APIP: variants seen among roughly 807,000 people sequenced by gnomAD.
APIP encodes methylthioribulose-1-phosphate dehydratase.
In APIP, 32 loss-of-function variants were observed where a neutral mutation model predicts 32.0. The observed-to-expected ratio is 1.00, with a 90% CI of 0.76 to 1.34. APIP has a LOEUF of 1.34. Ranked by LOEUF, APIP falls within the 40% of genes most tolerant of loss-of-function variation. The pLI, the probability that APIP is intolerant of heterozygous loss-of-function variation, is 0.00. For missense variants in APIP, 247 were observed against 298.6 expected (o/e 0.83, Z 1.27); for synonymous variants, 92 against 94.8 (o/e 0.97, Z 0.17).
intron 5 of APIP, among the ~76,000 whole-genome samples, chr11:34,887,376 A>G (rs760709676): frequency 2.0e-5 from 3 of 152,164 alleles, no homozygotes; most frequent in Non-Finnish European, 2.9e-5. Flanking sequence ...CTGGGGCTCT[A>G]CTTTCCTCAG....
At chr11:34,901,634 A>G (rs1323648614) in intron 1 of APIP, among the ~76,000 whole-genome samples, 1 of 152,040 alleles carries the variant, frequency 6.6e-6, no homozygotes. Context: ...AGATGGGGGG[A>G]CCTACTATTT....
At chr11:34,901,787 G>A (rs1853374619) in intron 1 of APIP, among the ~76,000 whole-genome samples, 1 of 152,158 alleles carries the variant, frequency 6.6e-6, no homozygotes. Flanking sequence ...AACTACAAGT[G>A]TGGGCAACTC....
At chr11:34,883,762 A>G (rs766012338) in intron 5 of APIP, among the ~76,000 whole-genome samples, 2 of 152,208 alleles carry the variant, frequency 1.3e-5, no homozygotes, top group Non-Finnish European at 2.9e-5. Flanking sequence ...ACCAAAACCT[A>G]ACAAAGAAAT....
chr11:34,909,842 A>T (rs1391775425), intron 1 of APIP, among the ~76,000 whole-genome samples: 1 of 152,168 alleles, frequency 6.6e-6, no homozygotes, highest in Non-Finnish European at 1.5e-5. Flanking sequence ...TAGTGGAGGA[A>T]CTGGGCTTCT....
Position 34,886,533 on chromosome 11 carries a change from C to T in APIP, c.461+1760G>A, listed in dbSNP as rs543940313. ...TTCAATAAATTTCGTGTAGCCTAAA[C>T]ATACAATGCTTATAAAGTCTATAGT... is the stretch of plus-strand genomic sequence containing the variant. On this transcript the variant is annotated intron_variant, in intron 5 of 6. Coordinates refer to ENST00000395787, the MANE Select transcript of APIP (RefSeq NM_015957.4). Among the ~76,000 whole-genome samples, 32 of 152,112 alleles carry T rather than the reference C, an allele frequency of 2.1e-4. No homozygotes were observed. The South Asian group carries it at 5.8e-3, about 28-fold the overall frequency.
At chr11:34,898,786 GTTTTTTTTTTTTTT>G (rs57593563) in intron 1 of APIP, among the ~76,000 whole-genome samples, 10 of 55,198 alleles carry the variant, frequency 1.8e-4, no homozygotes, top group East Asian at 7.0e-4. Flanking sequence ...TCTTTCTTTG[GTTTTTTTTTTTTTT>G]TTTTTTTTTT....
intron 3 of APIP, 57 bp downstream of exon 3, chr11:34,890,447 C>A: frequency 6.7e-7 from 1 of 1,489,416 alleles, no homozygotes; most frequent in East Asian, 2.3e-5. Flanking sequence ...AATTCCATTT[C>A]ATAAAACAGT....
In APIP at chr11:34,888,759, T is replaced by C; in HGVS notation, c.318A>G (p.Thr106=). The change falls in exon 4 of 7, where the codon ACA becomes ACG. Residue 106 remains threonine, a synonymous_variant. Coordinates refer to ENST00000395787, the MANE Select transcript of APIP (RefSeq NM_015957.4). ...QCTPLFMNAY[T]MRGAGAVIHT... is the part of the protein sequence containing the mutation. Reference sequence around the variant, plus strand: ...AATATATTTTCTGCATACCTCTCATTGTGTAAGCATTCATGAAAAGAGGAG... The same window carrying C: ...AATATATTTTCTGCATACCTCTCATCGTGTAAGCATTCATGAAAAGAGGAG... The C allele has an allele frequency of 6.5e-7, 1 of 1,528,772 alleles. No individual in the cohort carries two copies. The highest frequency in any genetic ancestry group is 8.7e-7 in the Non-Finnish European group (1 of 1,148,306). The allele number at this position is 1,528,772 out of a possible 1,614,324, so 94.7% of individuals were successfully genotyped here.
At position 34,883,429 on chromosome 11, in the gene APIP, A is replaced by G. The variant is rs144268944; in HGVS notation, c.537T>C (p.His179=). ...EEKDLKDRMA[H]AMNEYPDSCA... ...AGGAGTCTGGGTATTCATTCATTGC[A>G]TGAGCCATTCTATCTTTGAGGTCTT... The change falls in exon 6 of 7, where the codon CAT becomes CAC. Residue 179 remains histidine (H), a synonymous_variant. Coordinates refer to ENST00000395787, the MANE Select transcript of APIP (RefSeq NM_015957.4). 851 of 1,613,936 alleles carry G rather than the reference A, an allele frequency of 5.3e-4. No homozygotes were observed. Among genetic ancestry groups the G allele is most frequent in the Non-Finnish European group, 7.0e-4 (821 of 1,179,964 alleles).
intron 1 of APIP, among the ~76,000 whole-genome samples, chr11:34,909,519 A>G (rs1210029439): frequency 1.3e-5 from 2 of 152,070 alleles, no homozygotes; most frequent in East Asian, 3.9e-4. Flanking sequence ...GAACTAAGCC[A>G]GTGTGTGATG....
intron 5 of APIP, among the ~76,000 whole-genome samples, chr11:34,885,860 A>C (rs575012153): frequency 2.6e-4 from 40 of 152,230 alleles, no homozygotes; most frequent in Non-Finnish European, 4.7e-4. Context: ...CCTATCGCCT[A>C]ATGACCGCAT....
intron 1 of APIP, among the ~76,000 whole-genome samples, chr11:34,897,723 T>C (rs541463350): frequency 6.6e-6 from 1 of 152,224 alleles, no homozygotes; most frequent in Admixed American, 6.5e-5. Flanking sequence ...CTTGTCACCA[T>C]GTGTGTCAAG....
intron 1 of APIP, among the ~76,000 whole-genome samples, chr11:34,907,059 T>A (rs1438500378): frequency 6.6e-6 from 1 of 152,144 alleles, no homozygotes; most frequent in Non-Finnish European, 1.5e-5. Flanking sequence ...TTGATGTCCC[T>A]TTTCGGCAGG....
chr11:34,896,544 G>A (rs1853274987), intron 1 of APIP, among the ~76,000 whole-genome samples: 3 of 152,142 alleles, frequency 2.0e-5, no homozygotes, highest in Admixed American at 2.0e-4. Flanking sequence ...GACACAGGGA[G>A]GGGAAAATCA....
In APIP at chr11:34,916,268, G is replaced by A; in HGVS notation, c.17C>T (p.Ala6Val). 2.5e-6 allele frequency: 4 copies of A among 1,612,546 alleles called. No individual in the cohort carries two copies. The highest frequency in any genetic ancestry group is 3.4e-6 in the Non-Finnish European group (4 of 1,179,526). Residue 6 changes from alanine (A) to valine (V), a missense_variant, in exon 1 of 7, where the codon GCT becomes GTT. Transcript: ENST00000395787. Reference sequence around the variant, plus strand: ...CCGGGAACAACAGTCTCCCTCCCGAGCATCACAGCCAGACATGGCCCAGAC... The same window carrying A: ...CCGGGAACAACAGTCTCCCTCCCGAACATCACAGCCAGACATGGCCCAGAC... MSGCD[A>V]REGDCCSRRC... is the part of the protein sequence containing the mutation.
intron 1 of APIP, 127 bp downstream of exon 1, chr11:34,916,101 G>A (rs760871034): frequency 3.9e-6 from 5 of 1,273,034 alleles, no homozygotes; most frequent in Middle Eastern, 5.4e-4. Flanking sequence ...GGTAGCGAAC[G>A]GCCAGGCCCG....
At position 34,888,733 on chromosome 11, in the gene APIP, G is replaced by T. The variant is rs773858985; in HGVS notation, c.325+19C>A. 4 of 1,464,872 alleles carry T rather than the reference G, an allele frequency of 2.7e-6. No individual in the cohort carries two copies. Among genetic ancestry groups the T allele is most frequent in the African/African-American group, 3.0e-5 (2 of 67,744 alleles). The allele number at this position is 1,464,872 out of a possible 1,614,324, so 90.7% of individuals were successfully genotyped here. On this transcript the variant is annotated intron_variant, in intron 4 of 6. Coordinates refer to ENST00000395787, the MANE Select transcript of APIP (RefSeq NM_015957.4). ...CTACTCTGCAAATATTCTTTATGTT[G>T]AATATATTTTCTGCATACCTCTCAT...
Position 34,916,325 on chromosome 11 carries a change from G to C in APIP, c.-41C>G. 5 of 1,606,744 alleles carry C rather than the reference G, an allele frequency of 3.1e-6. No individual in the cohort carries two copies. The highest frequency in any genetic ancestry group is 4.2e-6 in the Non-Finnish European group (5 of 1,176,802). On this transcript the variant is annotated 5_prime_UTR_variant, in exon 1 of 7. Coordinates refer to ENST00000395787, the MANE Select transcript of APIP (RefSeq NM_015957.4). ...CCCGCGCGGCCTCCAATCTCCGCAC[G>C]GCTTTGCGCGCGGCGCTTAGCCTGG...
chr11:34,894,917 G>A, intron 2 of APIP, 93 bp downstream of exon 2: 1 of 1,121,954 alleles, frequency 8.9e-7, no homozygotes, highest in Non-Finnish European at 1.4e-6. Flanking sequence ...ACATAAAACT[G>A]ATCATCAGTT....
Sources: gnomAD v4.1 joint callset for allele counts (sites outside exome capture counted in the v4.1 genomes callset) on GRCh38, gnomAD v4.1.1 for gene constraint, MANE v1.5 for transcripts, NCBI Gene and HGNC (gene_info 2026-07-23, HGNC 2026-07-21) for gene names.